Variants in SLC2A13 observed in about 807,000 individuals in gnomAD.
SLC2A13 encodes proton myo-inositol cotransporter.
Under a neutral mutation model 64.4 loss-of-function variants are expected in SLC2A13, and 32 were observed. That is an observed-to-expected ratio of 0.50 (90% CI 0.37 to 0.67). SLC2A13 has a LOEUF of 0.67. Among genes scored for constraint, SLC2A13 ranks in the 30% least tolerant of loss-of-function variants. SLC2A13 has a pLI of 0.00. For synonymous variants in SLC2A13, 338 were observed against 327.1 expected, an observed-to-expected ratio of 1.03 and a Z score of -0.36; for missense variants, 743 against 829.2, an observed-to-expected ratio of 0.90 and a Z score of 1.28.
intron 3 of SLC2A13, among the ~76,000 whole-genome samples, chr12:40,025,688 T>C (rs1050100406): frequency 1.3e-5 from 2 of 152,216 alleles, no homozygotes; most frequent in African/African-American, 4.8e-5. Context: ...AAGGTTCCCT[T>C]CAGGTAGCTG....
intron 1 of SLC2A13, among the ~76,000 whole-genome samples, chr12:40,069,322 T>C (rs184608199): frequency 3.9e-5 from 6 of 152,326 alleles, no homozygotes; most frequent in Admixed American, 3.9e-4. Context: ...TTATACATTA[T>C]ACTTATTCAT....
intron 1 of SLC2A13, among the ~76,000 whole-genome samples, chr12:40,083,490 T>C (rs1448198090): frequency 6.6e-6 from 1 of 152,180 alleles, no homozygotes; most frequent in Non-Finnish European, 1.5e-5. Flanking sequence ...TTCTATTTCC[T>C]TTGTACAGAA....
intron 3 of SLC2A13, among the ~76,000 whole-genome samples, chr12:39,978,627 C>T (rs1231658017): frequency 4.6e-5 from 7 of 152,276 alleles, no homozygotes; most frequent in African/African-American, 1.2e-4. Context: ...GCTTAAAAAA[C>T]GGCGCACCAC....
At chr12:40,028,632 T>C in intron 2 of SLC2A13, 123 bp from the exon 3 acceptor site, 1 of 852,766 alleles carries the variant, frequency 1.2e-6, no homozygotes, top group Non-Finnish European at 1.8e-6. Context: ...GAATTATTTG[T>C]GCATTTATGT....
chr12:39,897,501 T>C (rs1291763087), intron 4 of SLC2A13, among the ~76,000 whole-genome samples: 1 of 152,204 alleles, frequency 6.6e-6, no homozygotes, highest in African/African-American at 2.4e-5. Flanking sequence ...CTACAACTTC[T>C]AATTCAAAGG....
chr12:40,017,313 G>T (rs561394798), intron 3 of SLC2A13, among the ~76,000 whole-genome samples: 1 of 152,170 alleles, frequency 6.6e-6, no homozygotes, highest in East Asian at 1.9e-4. Context: ...TATCACAAAG[G>T]TTTCCAGGGA....
At chr12:39,824,806 CA>C (rs1038648585) in intron 7 of SLC2A13, among the ~76,000 whole-genome samples, 46 of 151,880 alleles carry the variant, frequency 3.0e-4, no homozygotes, top group African/African-American at 1.1e-3. Context: ...TGGGGCTTAT[CA>C]CAGAAACTGC....
chr12:39,961,613 C>G (rs917378020), intron 3 of SLC2A13, among the ~76,000 whole-genome samples: 2 of 152,110 alleles, frequency 1.3e-5, no homozygotes, highest in African/African-American at 4.8e-5. Flanking sequence ...ATCCTCTCGC[C>G]TCAACCTCCC....
At chr12:39,805,856 A>G (rs1941963161) in intron 7 of SLC2A13, among the ~76,000 whole-genome samples, 1 of 152,168 alleles carries the variant, frequency 6.6e-6, no homozygotes, top group Admixed American at 6.5e-5. Flanking sequence ...TGCTGAAGGG[A>G]CATTTTGGAA....
intron 1 of SLC2A13, among the ~76,000 whole-genome samples, chr12:40,078,056 G>C (rs1293358980): frequency 2.0e-5 from 3 of 152,284 alleles, no homozygotes; most frequent in Non-Finnish European, 2.9e-5. Flanking sequence ...TCTGGAGAGA[G>C]AGTATGGGGT....
rs369947522 is a variant in SLC2A13, at chr12:39,809,868, T to C, written c.1445+20235A>G. 4.2e-3 allele frequency among the ~76,000 whole-genome samples: 641 copies of C among 152,358 alleles called. 3 individuals carry two copies. Among genetic ancestry groups the C allele is most frequent in the African/African-American group, 0.014 (590 of 41,580 alleles). On this transcript the variant is annotated intron_variant, in intron 7 of 9. Transcript: ENST00000280871. The stretch of plus-strand genomic sequence containing the variant: ...TTTTTTATGGCTGCATAGTATTCCA[T>C]GGTGTATATATGCCACATTTTCTTA...
At chr12:40,083,552 C>G (rs1266317907) in intron 1 of SLC2A13, among the ~76,000 whole-genome samples, 1 of 152,190 alleles carries the variant, frequency 6.6e-6, no homozygotes, top group Admixed American at 6.5e-5. Flanking sequence ...ATCACCACTG[C>G]AGCACTGCAG....
In SLC2A13 at chr12:39,767,383, C is replaced by T. The variant is rs145978639; in HGVS notation, c.1446-2525G>A. Among the ~76,000 whole-genome samples the T allele has an allele frequency of 1.5e-4, 22 of 151,308 alleles. No individual in the cohort carries two copies. The East Asian group carries it at 4.1e-3, about 28-fold the overall frequency. ...ACTATGCTGTAAATATAAGTGCTGT[C>T]GTCCAGGTTTTTTTGTTTCGTTTTA... On this transcript the variant is annotated intron_variant, in intron 7 of 9. Coordinates refer to ENST00000280871, the MANE Select transcript of SLC2A13 (RefSeq NM_052885.4).
intron 3 of SLC2A13, among the ~76,000 whole-genome samples, chr12:39,953,836 G>A (rs28370602): frequency 0.057 from 8,723 of 152,192 alleles, 386 homozygotes; most frequent in Middle Eastern, 0.14. Context: ...AAGTTGCTAA[G>A]TAACTTGCAT....
chr12:39,846,859 A>G (rs909149481), intron 6 of SLC2A13, among the ~76,000 whole-genome samples: 1 of 152,158 alleles, frequency 6.6e-6, no homozygotes, highest in East Asian at 1.9e-4. Flanking sequence ...AGCTCTTAGT[A>G]AAGTGATCCA....
chr12:39,856,907 G>T (rs1051234783), intron 6 of SLC2A13, among the ~76,000 whole-genome samples: 5 of 152,156 alleles, frequency 3.3e-5, no homozygotes, highest in Admixed American at 6.5e-5. Flanking sequence ...TATATTTTCT[G>T]TAAGGTTTTC....
chr12:40,073,317 A>T (rs1938036364), intron 1 of SLC2A13, among the ~76,000 whole-genome samples: 1 of 152,098 alleles, frequency 6.6e-6, no homozygotes. Flanking sequence ...ACTGAAAAGC[A>T]AGGAGAAAAA....
At chr12:39,862,856 A>G (rs1943797984) in intron 6 of SLC2A13, among the ~76,000 whole-genome samples, 2 of 152,182 alleles carry the variant, frequency 1.3e-5, no homozygotes, top group African/African-American at 4.8e-5. Flanking sequence ...TTGTGTTAGG[A>G]ACATTCCAAT....
At chr12:39,943,889 G>A (rs544334522) in intron 4 of SLC2A13, among the ~76,000 whole-genome samples, 13 of 152,282 alleles carry the variant, frequency 8.5e-5, no homozygotes, top group Admixed American at 7.2e-4. Flanking sequence ...CTGGGTGGAC[G>A]TTTGGGCAGA....
Sources: gnomAD v4.1 joint callset for allele counts (sites outside exome capture counted in the v4.1 genomes callset) on GRCh38, gnomAD v4.1.1 for gene constraint, MANE v1.5 for transcripts, NCBI Gene and HGNC (gene_info 2026-07-23, HGNC 2026-07-21) for gene names.